Variants in LRRC37A2 observed in about 807,000 individuals in gnomAD.
LRRC37A2 encodes the protein leucine-rich repeat-containing protein 37A2.
In LRRC37A2, 9 loss-of-function variants were observed where a neutral mutation model predicts 68.8. That is an observed-to-expected ratio of 0.13 (90% confidence interval 0.08 to 0.23). LRRC37A2 has a LOEUF of 0.23. LRRC37A2 is among the 10% of genes least tolerant of loss of function. LRRC37A2 has a pLI of 1.00. For missense variants in LRRC37A2, 168 were observed against 950.4 expected (o/e 0.18, Z 10.82); for synonymous variants, 63 against 367.6 (o/e 0.17, Z 9.48).
chr17:46,910,471 A>T, the LRRC37A2 span, among the ~76,000 whole-genome samples: 1 of 152,016 alleles, frequency 6.6e-6, no homozygotes, highest in African/African-American at 2.4e-5. Context: ...AGGCATCCTC[A>T]CCCCACATGG....
the LRRC37A2 span, chr17:46,763,993 C>T: frequency 1.7e-4 from 26 of 152,314 alleles, no homozygotes; most frequent in African/African-American, 6.0e-4. Context: ...AAACGGCTGA[C>T]CAGGCCACCC....
At chr17:46,876,325 G>C in the LRRC37A2 span, 2 of 1,614,178 alleles carry the variant, frequency 1.2e-6, no homozygotes, top group Non-Finnish European at 1.7e-6. Flanking sequence ...GCTGGAAGCA[G>C]CTCTCCCCGT....
the LRRC37A2 span, among the ~76,000 whole-genome samples, chr17:46,969,580 C>T: frequency 3.9e-5 from 6 of 152,340 alleles, no homozygotes; most frequent in African/African-American, 1.4e-4. Context: ...TGGGACCAGC[C>T]TCTGTCCTGA....
chr17:46,847,967 AGTGTGTGTGTGTGTGT>A, the LRRC37A2 span, among the ~76,000 whole-genome samples: 3 of 149,584 alleles, frequency 2.0e-5, no homozygotes, highest in East Asian at 2.0e-4. Flanking sequence ...TGATTTCCAA[AGTGTGTGTGTGTGTGT>A]GTGTGTGTGT....
At chr17:47,022,799 G>A in the LRRC37A2 span, among the ~76,000 whole-genome samples, 1 of 152,108 alleles carries the variant, frequency 6.6e-6, no homozygotes, top group Non-Finnish European at 1.5e-5. Flanking sequence ...ATGCATCATG[G>A]TTTATTTAAT....
the LRRC37A2 span, among the ~76,000 whole-genome samples, chr17:46,888,002 T>G: frequency 1.3e-5 from 2 of 152,140 alleles, no homozygotes; most frequent in Non-Finnish European, 2.9e-5. Flanking sequence ...GAGCTAGAGA[T>G]AGGGAGAGCA....
At chr17:46,721,233 T>G in the LRRC37A2 span, among the ~76,000 whole-genome samples, 10 of 152,350 alleles carry the variant, frequency 6.6e-5, no homozygotes, top group African/African-American at 2.4e-4. Flanking sequence ...CACCTTTGCA[T>G]GCAAGAGAGG....
chr17:46,801,552 G>A, the LRRC37A2 span, among the ~76,000 whole-genome samples: 4 of 152,114 alleles, frequency 2.6e-5, no homozygotes, highest in Non-Finnish European at 4.4e-5. Context: ...CCTGGGAGGC[G>A]GAGGCTGCAG....
chr17:46,976,559 A>C, the LRRC37A2 span, among the ~76,000 whole-genome samples: 1 of 151,874 alleles, frequency 6.6e-6, no homozygotes, highest in Non-Finnish European at 1.5e-5. Flanking sequence ...ACAAACAAAC[A>C]AAAAACCAAA....
At chr17:46,495,074 T>G in the LRRC37A2 span, among the ~76,000 whole-genome samples, 1 of 147,258 alleles carries the variant, frequency 6.8e-6, no homozygotes. Flanking sequence ...ATACTTGTCT[T>G]TCTGCCCTTG....
the LRRC37A2 span, among the ~76,000 whole-genome samples, chr17:46,626,057 A>G: frequency 6.8e-6 from 1 of 147,108 alleles, no homozygotes; most frequent in Non-Finnish European, 1.5e-5. Flanking sequence ...TTTTTAAAAC[A>G]GTAAATATTG....
chr17:46,895,963 G>T, the LRRC37A2 span, among the ~76,000 whole-genome samples: 1 of 152,080 alleles, frequency 6.6e-6, no homozygotes, highest in Non-Finnish European at 1.5e-5. Flanking sequence ...GGGCAGAGGG[G>T]GTTCCATCTG....
At chr17:46,392,401 T>C in the LRRC37A2 span, among the ~76,000 whole-genome samples, 3 of 46,022 alleles carry the variant, frequency 6.5e-5, no homozygotes, top group African/African-American at 1.8e-4. Context: ...CTCTCTTTCT[T>C]TCTTTCTTTC....
chr17:46,743,059 T>C, the LRRC37A2 span, among the ~76,000 whole-genome samples: 102,347 of 151,900 alleles, frequency 0.67, 35,661 homozygotes, highest in South Asian at 0.82. Context: ...CTTCTGACTC[T>C]CTGTGAGTCA....
chr17:46,999,755 T>C, the LRRC37A2 span, among the ~76,000 whole-genome samples: 1 of 151,820 alleles, frequency 6.6e-6, no homozygotes, highest in African/African-American at 2.4e-5. Context: ...TCCCAGCACT[T>C]TGGGAGGCTG....
chr17:46,884,940 C>T, the LRRC37A2 span: 10 of 365,730 alleles, frequency 2.7e-5, no homozygotes, highest in Middle Eastern at 3.9e-4. Flanking sequence ...CCCCCAACTT[C>T]CCCACTCCTG....
At chr17:46,844,605 T>A in the LRRC37A2 span, among the ~76,000 whole-genome samples, 1 of 152,200 alleles carries the variant, frequency 6.6e-6, no homozygotes, top group Non-Finnish European at 1.5e-5. Context: ...TAGGCACCTA[T>A]GAACTTCAAG....
At chr17:46,710,851 A>T in the LRRC37A2 span, 1 of 883,046 alleles carries the variant, frequency 1.1e-6, no homozygotes, top group Non-Finnish European at 1.6e-6. Context: ...TTTTTATATT[A>T]ATATGGGATA....
the LRRC37A2 span, chr17:46,941,530 C>T: frequency 4.9e-6 from 2 of 412,132 alleles, no homozygotes; most frequent in African/African-American, 4.3e-5. Context: ...CTGGGGCCTA[C>T]CCCAGATCTG....
Sources: gnomAD v4.1 joint callset for allele counts (sites outside exome capture counted in the v4.1 genomes callset) on GRCh38, gnomAD v4.1.1 for gene constraint, MANE v1.5 for transcripts, NCBI Gene and HGNC (gene_info 2026-07-23, HGNC 2026-07-21) for gene names.